WTAP: variants seen among roughly 807,000 people sequenced by gnomAD.
WTAP encodes the protein pre-mRNA-splicing regulator WTAP.
WTAP carries 8 observed loss-of-function variants against 50.0 expected under a neutral mutation model. That is an observed-to-expected ratio of 0.16 (90% CI 0.09 to 0.29). The LOEUF (loss-of-function observed/expected upper bound fraction) is 0.29, where lower values mean the gene tolerates loss of function less well. Among genes scored for constraint, WTAP ranks in the 10% least tolerant of loss-of-function variants. The pLI, the probability that WTAP is intolerant of heterozygous loss-of-function variation, is 1.00. For missense variants in WTAP, 295 were observed against 470.7 expected, an observed-to-expected ratio of 0.63 and a Z score of 3.45; for synonymous variants, 194 against 169.0, an observed-to-expected ratio of 1.15 and a Z score of -1.15.
upstream of WTAP, chr6:159,726,835 A>T: frequency 7.8e-7 from 1 of 1,289,184 alleles, no homozygotes. Flanking sequence ...ATCGGTTTCT[A>T]AGTTCTCAAA....
rs531384013 is a variant in WTAP, at chr6:159,744,366, C to A, written c.273+574C>A. ...TGTAATTATACAAAATAATTAGAGG[C>A]AGCTGTATCCTTGTTTCTGATTTTA... On this transcript the variant is annotated intron_variant, in intron 5 of 7. Coordinates refer to ENST00000621533, the MANE Select transcript of WTAP (RefSeq NM_001270531.2). Among the ~76,000 whole-genome samples the A allele has an allele frequency of 5.9e-5, 9 of 152,268 alleles. No homozygotes were observed. The East Asian group carries it at 1.7e-3, about 29-fold the overall frequency.
upstream of WTAP, chr6:159,727,383 G>T: frequency 8.3e-7 from 1 of 1,201,826 alleles, no homozygotes; most frequent in Non-Finnish European, 1.1e-6. Flanking sequence ...CTGGCGGGAG[G>T]CGGGAGGCGG....
At chr6:159,730,174 C>A (rs942855046) in intron 1 of WTAP, among the ~76,000 whole-genome samples, 2 of 152,162 alleles carry the variant, frequency 1.3e-5, no homozygotes, top group African/African-American at 4.8e-5. Flanking sequence ...TAGCTGATCA[C>A]CTAATGACTA....
intron 1 of WTAP, among the ~76,000 whole-genome samples, chr6:159,735,740 CTG>C (rs764922027): frequency 7.9e-5 from 12 of 151,588 alleles, no homozygotes; most frequent in Non-Finnish European, 1.8e-4. Flanking sequence ...CAGAGTGAGA[CTG>C]TGTCTCAAAA....
intron 5 of WTAP, among the ~76,000 whole-genome samples, chr6:159,746,627 G>A (rs527614994): frequency 7.9e-5 from 12 of 152,240 alleles, no homozygotes; most frequent in Non-Finnish European, 1.5e-4. Context: ...AATTAGCCAC[G>A]TAGTTACTAT....
At chr6:159,753,293 G>A in intron 6 of WTAP, 167 bp from the exon 7 acceptor site, 1 of 1,014,266 alleles carries the variant, frequency 9.9e-7, no homozygotes, top group Non-Finnish European at 1.4e-6. Context: ...GCAAAATACT[G>A]AAATGCAGAA....
chr6:159,743,851 T>G (rs1339366443), intron 5 of WTAP, 59 bp downstream of exon 5: 1 of 1,486,136 alleles, frequency 6.7e-7, no homozygotes, highest in Non-Finnish European at 9.0e-7. Context: ...TAGTCCACAT[T>G]ATTACATGTT....
intron 2 of WTAP, among the ~76,000 whole-genome samples, chr6:159,738,239 C>G (rs1779039617): frequency 1.3e-5 from 2 of 152,220 alleles, no homozygotes; most frequent in Non-Finnish European, 2.9e-5. Flanking sequence ...CACATCTACC[C>G]CGTCCCTCTC....
chr6:159,744,220 C>T (rs1376893692), intron 5 of WTAP, among the ~76,000 whole-genome samples: 1 of 151,564 alleles, frequency 6.6e-6, no homozygotes, highest in East Asian at 1.9e-4. Flanking sequence ...TCTTTAGTGT[C>T]TCCTTTTTAA....
chr6:159,753,455 T>C lies in WTAP; in HGVS notation c.453-5T>C. The C allele has an allele frequency of 6.2e-7, 1 of 1,614,204 alleles. No homozygotes were observed. Among genetic ancestry groups the C allele is most frequent in the Non-Finnish European group, 8.5e-7 (1 of 1,180,030 alleles). The stretch of plus-strand genomic sequence containing the variant: ...TTTTGTGATGGATGGCTCTTTCCTT[T>C]GCAGCCAAACAGGGAAAAAGTTAAT... On this transcript the variant is annotated splice_region_variant and splice_polypyrimidine_tract_variant and intron_variant, in intron 6 of 7. Coordinates refer to ENST00000621533, the MANE Select transcript of WTAP (RefSeq NM_001270531.2).
chr6:159,751,531 G>T (rs1235632381), intron 6 of WTAP, among the ~76,000 whole-genome samples: 1 of 152,202 alleles, frequency 6.6e-6, no homozygotes, highest in Admixed American at 6.5e-5. Context: ...TGGATGTTCA[G>T]TGGAGGCTAA....
At chr6:159,749,180 G>A (rs1291831756) in intron 6 of WTAP, 5 of 985,696 alleles carry the variant, frequency 5.1e-6, no homozygotes, top group Non-Finnish European at 6.0e-6. Context: ...TCAAACTTCA[G>A]GTTGAAACTG....
At chr6:159,746,660 C>T (rs1779595034) in intron 5 of WTAP, among the ~76,000 whole-genome samples, 1 of 152,154 alleles carries the variant, frequency 6.6e-6, no homozygotes, top group African/African-American at 2.4e-5. Context: ...ATACTGTATT[C>T]TTAACTATAT....
chr6:159,743,854 TACATG>T, intron 5 of WTAP, 62 bp downstream of exon 5: 1 of 1,483,276 alleles, frequency 6.7e-7, no homozygotes, highest in Non-Finnish European at 9.0e-7. Context: ...TCCACATTAT[TACATG>T]TTAATTTTAA....
At chr6:159,743,867 T>G in intron 5 of WTAP, 75 bp downstream of exon 5, 1 of 1,420,608 alleles carries the variant, frequency 7.0e-7, no homozygotes, top group Non-Finnish European at 9.4e-7. Flanking sequence ...ATGTTAATTT[T>G]AAACATTTAA....
chr6:159,736,026 A>G (rs1778891262), intron 1 of WTAP, among the ~76,000 whole-genome samples: 1 of 152,182 alleles, frequency 6.6e-6, no homozygotes, highest in South Asian at 2.1e-4. Flanking sequence ...AACTCTAATG[A>G]TGGAAGATGT....
In WTAP at chr6:159,735,331, G is replaced by A. The variant is rs545413388; in HGVS notation, c.-8-927G>A. Among the ~76,000 whole-genome samples, 3 of 152,146 alleles carry A rather than the reference G, an allele frequency of 2.0e-5. No individual in the cohort carries two copies. The South Asian group carries it at 6.2e-4, about 31-fold the overall frequency. Reference sequence around the variant, plus strand: ...TTTTTTTAATTTTTTGGTAGAGACCGAGTTTCACCATGTTGGCCAGACTTG... The same window carrying A: ...TTTTTTTAATTTTTTGGTAGAGACCAAGTTTCACCATGTTGGCCAGACTTG... On this transcript the variant is annotated intron_variant, in intron 1 of 7. Coordinates refer to ENST00000621533, the MANE Select transcript of WTAP (RefSeq NM_001270531.2).
chr6:159,755,169 G>A lies in WTAP; in HGVS notation c.749G>A (p.Ser250Asn), dbSNP rs1484361016. ...QQQQSQASAP[S>N]TSRTTASEPV... Reference sequence around the variant, plus strand: ...CAGCAGTCTCAGGCCTCTGCCCCAAGTACCAGCAGGACTACAGCTTCTGAA... The same window carrying A: ...CAGCAGTCTCAGGCCTCTGCCCCAAATACCAGCAGGACTACAGCTTCTGAA... The change falls in exon 8 of 8, where the codon AGT becomes AAT. Residue 250 changes from serine (S) to asparagine (N), a missense_variant. Ser to Asn is a conservative substitution (Grantham distance 46). Coordinates refer to ENST00000621533, the MANE Select transcript of WTAP (RefSeq NM_001270531.2). 1 of 1,614,134 alleles carries A rather than the reference G, an allele frequency of 6.2e-7. No individual in the cohort carries two copies. The highest frequency in any genetic ancestry group is 1.3e-5 in the African/African-American group (1 of 75,032).
At chr6:159,739,209 C>T (rs1779096404) in intron 3 of WTAP, among the ~76,000 whole-genome samples, 164 bp downstream of exon 3, 1 of 151,994 alleles carries the variant, frequency 6.6e-6, no homozygotes, top group Admixed American at 6.6e-5. Context: ...TATATTAACA[C>T]CGAGGAAAAC....
Sources: gnomAD v4.1 joint callset for allele counts (sites outside exome capture counted in the v4.1 genomes callset) on GRCh38, gnomAD v4.1.1 for gene constraint, MANE v1.5 for transcripts, NCBI Gene and HGNC (gene_info 2026-07-23, HGNC 2026-07-21) for gene names.